The following COQ9 variants were observed in gnomAD, a reference collection of about 807,000 sequenced individuals.
COQ9 encodes the protein coenzyme Q9, also known as ubiquinone biosynthesis protein COQ9, mitochondrial.
A neutral mutation model predicts 42.4 loss-of-function variants in COQ9; 35 were observed. The observed-to-expected ratio is 0.83, with a 90% CI of 0.63 to 1.10. COQ9 has a LOEUF of 1.10. Ranked by LOEUF, COQ9 falls within the 50% of genes least tolerant of loss-of-function variation. The pLI, the probability that COQ9 is intolerant of heterozygous loss-of-function variation, is 0.00. For missense variants in COQ9, 406 were observed against 414.6 expected (o/e 0.98, Z 0.18); for synonymous variants, 155 against 155.1 (o/e 1.00, Z 0.00).
In COQ9 at chr16:57,460,932, C is replaced by G. The variant is rs1296996853; in HGVS notation, c.*308C>G. The G allele has an allele frequency of 2.4e-6, 1 of 409,382 alleles. No individual in the cohort carries two copies. Among genetic ancestry groups the G allele is most frequent in the African/African-American group, 2.0e-5 (1 of 48,904 alleles). The allele number at this position is 409,382 out of a possible 1,614,324, so 25.4% of individuals were successfully genotyped here. On this transcript the variant is annotated 3_prime_UTR_variant, in exon 9 of 9. Coordinates refer to ENST00000262507, the MANE Select transcript of COQ9 (RefSeq NM_020312.4). ...TCAAGCCACAGAAACCCAGCATGTC[C>G]CTGTCACAATCTCATGGGCACCTTG...
intron 6 of COQ9, 38 bp downstream of exon 6, chr16:57,458,388 G>C: frequency 7.0e-7 from 1 of 1,438,200 alleles, no homozygotes; most frequent in Non-Finnish European, 9.7e-7. Context: ...GGCTGGGAAA[G>C]GCTTGTGTTA....
chr16:57,453,402 C>A (rs186967525), intron 3 of COQ9: 66 of 265,980 alleles, frequency 2.5e-4, no homozygotes, highest in Non-Finnish European at 4.4e-4. Context: ...CTTTGGAGAC[C>A]AACACATCTT....
rs753544401 is a variant in COQ9, at chr16:57,452,853, T to C, written c.295T>C (p.Leu99=). 8.7e-6 allele frequency: 14 copies of C among 1,613,636 alleles called. No individual in the cohort carries two copies. The highest frequency in any genetic ancestry group is 1.3e-5 in the African/African-American group (1 of 74,892). The part of the protein sequence containing the change: ...EEEDYESEEQ[L]QHRILTAALE... ...GGAGGACTATGAAAGTGAGGAGCAG[T>C]TGCAGCACCGCATCCTGACGGCAGC... is the stretch of plus-strand genomic sequence containing the variant. Residue 99 remains leucine, a synonymous_variant, in exon 3 of 9, where the codon TTG becomes CTG. Transcript: ENST00000262507.
chr16:57,450,583 C>G (rs2030261965), intron 1 of COQ9, among the ~76,000 whole-genome samples: 1 of 152,016 alleles, frequency 6.6e-6, no homozygotes, highest in South Asian at 2.1e-4. Context: ...TCCAAAGATA[C>G]CATATAAACA....
At chr16:57,448,772 G>A (rs1458894796) in intron 1 of COQ9, among the ~76,000 whole-genome samples, 2 of 151,880 alleles carry the variant, frequency 1.3e-5, no homozygotes, top group African/African-American at 4.8e-5. Flanking sequence ...TAATGTCTAT[G>A]ACCCCGCAAA....
At chr16:57,453,375 C>T (rs1332869271) in intron 3 of COQ9, 6 of 278,460 alleles carry the variant, frequency 2.2e-5, no homozygotes, top group Non-Finnish European at 4.2e-5. Context: ...TGTTTGAAAA[C>T]CCCCAAGAAG....
Position 57,457,008 on chromosome 16 carries a change from G to A in COQ9, c.599G>A (p.Trp200Ter). ...LRMLIPYIEH[W>*]PRALSILMLP... ...ATGCTGATCCCATACATTGAGCACT[G>A]GCCCCGGGTACCAAGTCTATATCCA... is the stretch of plus-strand genomic sequence containing the variant. The change falls in exon 5 of 9, where the codon TGG (tryptophan) becomes TAG (stop). Residue 200 changes from tryptophan to a stop codon, truncating the protein, a stop_gained. Transcript: ENST00000262507. LOFTEE classifies it high-confidence loss of function. 6.2e-7 allele frequency: 1 copy of A among 1,613,050 alleles called. No individual in the cohort carries two copies. Among genetic ancestry groups the A allele is most frequent in the Non-Finnish European group, 8.5e-7 (1 of 1,179,028 alleles).
In COQ9 at chr16:57,456,947, C is replaced by A. The variant is rs2030418519; in HGVS notation, c.538C>A (p.Gln180Lys). The change falls in exon 5 of 9, where the codon CAG becomes AAG. Residue 180 changes from glutamine (Q) to lysine (K), a missense_variant. Gln to Lys is a moderately conservative substitution (Grantham distance 53). Transcript: ENST00000262507. ...CTCTTCCAGGAAGAGGAAGACAGAC[C>A]AGTTCCTGAGGGATGCAGTGGAAAC... Reference protein sequence around the residue: ...LGQAEKRKTDQFLRDAVETRL... With the variant: ...LGQAEKRKTDKFLRDAVETRL... The A allele has an allele frequency of 3.1e-6, 5 of 1,613,836 alleles. No individual in the cohort carries two copies. Among genetic ancestry groups the A allele is most frequent in the African/African-American group, 1.3e-5 (1 of 74,902 alleles).
chr16:57,452,790 T>A lies in COQ9; in HGVS notation c.243-11T>A, dbSNP rs527346039. 107 of 1,612,846 alleles carry A rather than the reference T, an allele frequency of 6.6e-5. No individual in the cohort carries two copies. The South Asian group carries it at 1.1e-3, about 17-fold the overall frequency. ...AGATGAAGTATGCTGGGCTGTGTCC[T>A]CTTGTCTCAGGTATACAGACCAGGG... On this transcript the variant is annotated splice_polypyrimidine_tract_variant and intron_variant, in intron 2 of 8. Transcript: ENST00000262507.
At chr16:57,452,741 G>C (rs1418399499) in intron 2 of COQ9, 60 bp from the exon 3 acceptor site, 37 of 1,602,856 alleles carry the variant, frequency 2.3e-5, no homozygotes, top group Non-Finnish European at 2.7e-5. Flanking sequence ...CTAGTTTCTG[G>C]TCATGCCCAT....
At chr16:57,459,986 C>T in intron 7 of COQ9, 65 bp from the exon 8 acceptor site, 1 of 1,514,794 alleles carries the variant, frequency 6.6e-7, no homozygotes, top group Non-Finnish European at 9.2e-7. Context: ...CCTGATTTGT[C>T]CTGCCTGTCT....
intron 5 of COQ9, 23 bp from the exon 6 acceptor site, chr16:57,458,223 C>G: frequency 6.5e-7 from 1 of 1,536,632 alleles, no homozygotes; most frequent in Non-Finnish European, 8.9e-7. Flanking sequence ...GCAGAGCTTA[C>G]TCCTCTGCCA....
intron 2 of COQ9, among the ~76,000 whole-genome samples, 165 bp downstream of exon 2, chr16:57,451,373 C>T (rs554538749): frequency 2.5e-4 from 38 of 152,114 alleles, no homozygotes; most frequent in Non-Finnish European, 4.9e-4. Flanking sequence ...CTTCTCGCTA[C>T]GTTGACCAGA....
At chr16:57,453,006 G>A (rs751687139) in intron 3 of COQ9, 70 bp downstream of exon 3, 1 of 1,592,312 alleles carries the variant, frequency 6.3e-7, no homozygotes, top group Non-Finnish European at 8.6e-7. Flanking sequence ...GGCAGAGCGG[G>A]GGGCCTCATG....
Position 57,456,647 on chromosome 16 carries a change from G to A in COQ9, c.521+1G>A, listed in dbSNP as rs755558659. 3 of 1,613,392 alleles carry A rather than the reference G, an allele frequency of 1.9e-6. No homozygotes were observed. Among genetic ancestry groups the A allele is most frequent in the Non-Finnish European group, 2.5e-6 (3 of 1,179,840 alleles). ...AGCTGGTACAGTTGGGCCAGGCGGA[G>A]TAAGTCCCATGGCATTACTACTCAG... On this transcript the variant is annotated splice_donor_variant, in intron 4 of 8. Transcript: ENST00000262507. LOFTEE classifies it high-confidence loss of function.
Position 57,460,617 on chromosome 16 carries a change from G to C in COQ9, c.950G>C (p.Arg317Pro). The change falls in exon 9 of 9, where the codon CGT becomes CCT. Residue 317 changes from arginine (R) to proline (P), a missense_variant. Physicochemically the swap from Arg to Pro is moderately radical, Grantham distance 103 (BLOSUM62 -2). Transcript: ENST00000262507. ...AAGAACTTGACAGGTCTAAACCAGC[G>C]TCGGTGAGAGGAAGGGGTATAAGCT... ...TLKNLTGLNQRR is the reference protein window; with the variant it reads ...TLKNLTGLNQPR The C allele has an allele frequency of 1.2e-6, 2 of 1,613,928 alleles. No homozygotes were observed. The highest frequency in any genetic ancestry group is 1.7e-6 in the Non-Finnish European group (2 of 1,179,852).
Position 57,452,567 on chromosome 16 carries a change from G to A in COQ9, c.243-234G>A, listed in dbSNP as rs926866577. Among the ~76,000 whole-genome samples, 6 of 152,224 alleles carry A rather than the reference G, an allele frequency of 3.9e-5. No homozygotes were observed. In the South Asian group the frequency reaches 6.2e-4, roughly 16 times the overall value. ...TGAGGCAGGAGACTTGCTTGAACCC[G>A]GGAGGTGGAGGTTGTAGTGAGCTGA... On this transcript the variant is annotated intron_variant, in intron 2 of 8. Coordinates refer to ENST00000262507, the MANE Select transcript of COQ9 (RefSeq NM_020312.4).
chr16:57,453,033 C>A, intron 3 of COQ9, 97 bp downstream of exon 3: 1 of 1,488,422 alleles, frequency 6.7e-7, no homozygotes. Flanking sequence ...TCCAGTCTAG[C>A]TCAGAGCCCC....
chr16:57,449,652 C>T (rs934842319), intron 1 of COQ9, among the ~76,000 whole-genome samples: 1 of 151,876 alleles, frequency 6.6e-6, no homozygotes, highest in Non-Finnish European at 1.5e-5. Context: ...TATATATATA[C>T]ACACACATAT....
Sources: allele counts gnomAD v4.1 joint callset (sites outside exome capture counted in the v4.1 genomes callset), GRCh38; gene constraint gnomAD v4.1.1; transcripts MANE v1.5; gene names NCBI Gene and HGNC (gene_info 2026-07-23, HGNC 2026-07-21).